Variants in WWOX observed in about 807,000 individuals in gnomAD.
The protein encoded by WWOX is WW domain-containing oxidoreductase.
In WWOX, 69 loss-of-function variants were observed where a neutral mutation model predicts 46.2. The observed-to-expected ratio is 1.49, with a 90% CI of 1.23 to 1.82. The LOEUF (loss-of-function observed/expected upper bound fraction) is 1.82, where lower values mean the gene tolerates loss of function less well. Among genes scored for constraint, WWOX ranks in the 40% most tolerant of loss-of-function variants. The probability of loss-of-function intolerance (pLI) is 0.00; values close to 1 mark genes in which losing one functional copy is unlikely to be tolerated. For missense variants in WWOX, 919 were observed against 542.6 expected (o/e 1.69, Z -6.89); for synonymous variants, 359 against 202.6 (o/e 1.77, Z -6.56).
At chr16:78,415,388 C>A (rs931332458) in intron 6 of WWOX, among the ~76,000 whole-genome samples, 1 of 152,054 alleles carries the variant, frequency 6.6e-6, no homozygotes, top group Admixed American at 6.6e-5. Context: ...TTTACTGCAA[C>A]CTATTTTATC....
At chr16:78,914,748 A>G (rs1247260676) in intron 8 of WWOX, among the ~76,000 whole-genome samples, 15 of 149,972 alleles carry the variant, frequency 1.0e-4, no homozygotes, top group East Asian at 3.9e-4. Context: ...GCATGCTGGC[A>G]GGCGCCTGTA....
intron 6 of WWOX, among the ~76,000 whole-genome samples, chr16:78,395,999 A>G (rs2082276833): frequency 6.6e-6 from 1 of 152,126 alleles, no homozygotes; most frequent in Non-Finnish European, 1.5e-5. Flanking sequence ...AATACTAGGA[A>G]TCCTTAAGTA....
chr16:78,617,396 T>C (rs1274949266), intron 8 of WWOX, among the ~76,000 whole-genome samples: 1 of 106,400 alleles, frequency 9.4e-6, no homozygotes, highest in Admixed American at 1.1e-4. Flanking sequence ...AGAGAAACCT[T>C]GTATCCAAAA....
intron 8 of WWOX, among the ~76,000 whole-genome samples, chr16:78,646,951 G>A (rs2046858707): frequency 1.3e-5 from 2 of 152,184 alleles, no homozygotes; most frequent in African/African-American, 4.8e-5. Flanking sequence ...ATGCCTTGTG[G>A]AAGTGACAAC....
intron 8 of WWOX, among the ~76,000 whole-genome samples, chr16:78,901,376 T>G (rs2151242331): frequency 6.6e-6 from 1 of 152,308 alleles, no homozygotes. Flanking sequence ...TCGGATGGAA[T>G]TTTGGCTTTA....
intron 8 of WWOX, among the ~76,000 whole-genome samples, chr16:78,616,826 C>G (rs929396241): frequency 6.6e-6 from 1 of 152,116 alleles, no homozygotes; most frequent in South Asian, 2.1e-4. Flanking sequence ...AGCCTTCACT[C>G]TAATGACATA....
chr16:78,828,156 G>T (rs892733894), intron 8 of WWOX, among the ~76,000 whole-genome samples: 1 of 152,160 alleles, frequency 6.6e-6, no homozygotes, highest in African/African-American at 2.4e-5. Context: ...AATGAGAGAG[G>T]CCAGCTAATC....
intron 8 of WWOX, among the ~76,000 whole-genome samples, chr16:79,137,541 G>A (rs1184122836): frequency 6.6e-6 from 1 of 152,138 alleles, no homozygotes; most frequent in Non-Finnish European, 1.5e-5. Context: ...TTGTCCCGAG[G>A]CAACGTTGTG....
intron 8 of WWOX, among the ~76,000 whole-genome samples, chr16:78,962,005 G>C (rs2046280305): frequency 6.6e-6 from 1 of 152,062 alleles, no homozygotes; most frequent in Non-Finnish European, 1.5e-5. Flanking sequence ...CTCTTGTCAG[G>C]ACCTCCTTCC....
intron 8 of WWOX, among the ~76,000 whole-genome samples, chr16:79,083,350 C>T (rs1028982950): frequency 5.9e-5 from 9 of 152,144 alleles, no homozygotes; most frequent in African/African-American, 2.2e-4. Context: ...ATTAAGGAAG[C>T]AATGTTCAGA....
chr16:78,449,873 CAA>C (rs2083650356), intron 8 of WWOX, among the ~76,000 whole-genome samples: 2 of 151,160 alleles, frequency 1.3e-5, no homozygotes, highest in Admixed American at 6.6e-5. Flanking sequence ...ATTTGAGTTA[CAA>C]AAACTAGCCA....
intron 8 of WWOX, among the ~76,000 whole-genome samples, chr16:78,805,285 C>G (rs899833693): frequency 6.6e-6 from 1 of 152,154 alleles, no homozygotes; most frequent in Non-Finnish European, 1.5e-5. Context: ...CGGAGTCTCA[C>G]CCTGTCGCCC....
At chr16:78,743,014 C>G (rs543038165) in intron 8 of WWOX, among the ~76,000 whole-genome samples, 11 of 147,000 alleles carry the variant, frequency 7.5e-5, no homozygotes, top group Middle Eastern at 3.4e-3. Context: ...CATACAGTCC[C>G]AACCCTTACT....
At chr16:79,172,101 T>G (rs560772378) in intron 8 of WWOX, among the ~76,000 whole-genome samples, 2 of 152,324 alleles carry the variant, frequency 1.3e-5, no homozygotes, top group Middle Eastern at 6.8e-3. Context: ...TCTGTCACCA[T>G]GTAGCAGGTG....
intron 8 of WWOX, among the ~76,000 whole-genome samples, chr16:78,975,457 C>T (rs2046552594): frequency 1.3e-5 from 2 of 151,006 alleles, no homozygotes; most frequent in Middle Eastern, 3.4e-3. Context: ...GGTTCCCCAA[C>T]CTTTTTTTTT....
At chr16:78,940,485 G>T (rs1267183114) in intron 8 of WWOX, among the ~76,000 whole-genome samples, 1 of 152,160 alleles carries the variant, frequency 6.6e-6, no homozygotes, top group Non-Finnish European at 1.5e-5. Context: ...AGTATCCGGT[G>T]TTAGGAGTTC....
intron 8 of WWOX, among the ~76,000 whole-genome samples, chr16:78,801,094 C>T (rs1264175917): frequency 1.3e-5 from 2 of 151,662 alleles, no homozygotes; most frequent in African/African-American, 4.8e-5. Context: ...CACTCTGTTG[C>T]CCAGGCTGGA....
At chr16:79,175,384 T>C (rs1304765683) in intron 8 of WWOX, among the ~76,000 whole-genome samples, 1 of 152,164 alleles carries the variant, frequency 6.6e-6, no homozygotes, top group Non-Finnish European at 1.5e-5. Context: ...TAAATATATT[T>C]TGGATGAGCT....
At chr16:78,730,367 A>G (rs573160659) in intron 8 of WWOX, among the ~76,000 whole-genome samples, 1 of 151,956 alleles carries the variant, frequency 6.6e-6, no homozygotes, top group African/African-American at 2.4e-5. Flanking sequence ...CATATAAGCC[A>G]CGTGCTGGGA....
Sources: gnomAD v4.1 joint callset for allele counts (sites outside exome capture counted in the v4.1 genomes callset) on GRCh38, gnomAD v4.1.1 for gene constraint, MANE v1.5 for transcripts, NCBI Gene and HGNC (gene_info 2026-07-23, HGNC 2026-07-21) for gene names.